Variants in ADK observed in about 807,000 individuals in gnomAD.
ADK encodes N6,N6-dimethyladenosine kinase.
In ADK, 24 loss-of-function variants were observed where a neutral mutation model predicts 44.7. The observed-to-expected ratio is 0.54, with a 90% confidence interval of 0.39 to 0.76. The LOEUF (loss-of-function observed/expected upper bound fraction) is 0.76. Ranked by LOEUF, ADK falls within the 30% of genes least tolerant of loss-of-function variation. The pLI, the probability that ADK is intolerant of heterozygous loss-of-function variation, is 0.00. For synonymous variants in ADK, 128 were observed against 142.6 expected, an observed-to-expected ratio of 0.90 and a Z score of 0.73; for missense variants, 321 against 425.1, an observed-to-expected ratio of 0.76 and a Z score of 2.15.
chr10:74,534,689 G>A (rs897220753), intron 7 of ADK, among the ~76,000 whole-genome samples: 1 of 152,198 alleles, frequency 6.6e-6, no homozygotes, highest in African/African-American at 2.4e-5. Flanking sequence ...AATGTTGGTA[G>A]TAGTTTTAGG....
At chr10:74,163,233 T>C (rs2132040457) in intron 1 of ADK, among the ~76,000 whole-genome samples, 1 of 152,338 alleles carries the variant, frequency 6.6e-6, no homozygotes, top group East Asian at 1.9e-4. Flanking sequence ...CCCAAAGTGT[T>C]GGGATTACAG....
chr10:74,644,646 G>A (rs949402810), intron 9 of ADK, among the ~76,000 whole-genome samples: 3 of 152,088 alleles, frequency 2.0e-5, no homozygotes, highest in Non-Finnish European at 2.9e-5. Context: ...CAGTGCTCCC[G>A]CCTCAGGCTC....
At chr10:74,232,241 G>A (rs1420529236) in intron 3 of ADK, among the ~76,000 whole-genome samples, 1 of 152,062 alleles carries the variant, frequency 6.6e-6, no homozygotes, top group Admixed American at 6.6e-5. Flanking sequence ...ATAATTGGCC[G>A]AGTGTGGTAG....
At chr10:74,173,257 AT>A (rs919135161) in intron 1 of ADK, among the ~76,000 whole-genome samples, 10 of 146,112 alleles carry the variant, frequency 6.8e-5, no homozygotes, top group African/African-American at 1.0e-4. Flanking sequence ...CGCCCGGCTA[AT>A]TTTTTTTTTA....
chr10:74,390,758 A>G (rs952429149), intron 4 of ADK, among the ~76,000 whole-genome samples: 9 of 152,154 alleles, frequency 5.9e-5, no homozygotes, highest in African/African-American at 2.2e-4. Flanking sequence ...TTTTTGGTTA[A>G]GGCATTTTCT....
chr10:74,506,291 G>T, intron 6 of ADK: 1 of 238,356 alleles, frequency 4.2e-6, no homozygotes, highest in Non-Finnish European at 8.4e-6. Context: ...CATCTATCTT[G>T]AAATGGTGGG....
At chr10:74,426,187 C>T (rs1397059975) in intron 6 of ADK, among the ~76,000 whole-genome samples, 2 of 152,054 alleles carry the variant, frequency 1.3e-5, no homozygotes, top group Admixed American at 6.5e-5. Flanking sequence ...TTGCTCATGC[C>T]GTTAACTATT....
At position 74,222,928 on chromosome 10, in the gene ADK, G is replaced by A. The variant is rs555486162; in HGVS notation, c.141-1610G>A. Among the ~76,000 whole-genome samples the A allele has an allele frequency of 2.3e-3, 357 of 152,038 alleles. 1 individual carries two copies. The highest frequency in any genetic ancestry group is 7.6e-3 in the African/African-American group (315 of 41,454). Reference sequence around the variant, plus strand: ...CTAATGCTAGATGACGAGTTAGTGGGTGCAGCACACCAGCATGTCACATGC... The same window carrying A: ...CTAATGCTAGATGACGAGTTAGTGGATGCAGCACACCAGCATGTCACATGC... On this transcript the variant is annotated intron_variant, in intron 2 of 10. Transcript: ENST00000539909.
At chr10:74,568,531 G>C (rs1292874369) in intron 7 of ADK, among the ~76,000 whole-genome samples, 1 of 151,944 alleles carries the variant, frequency 6.6e-6, no homozygotes, top group Non-Finnish European at 1.5e-5. Context: ...CAAGTCCACA[G>C]TGCAAAGCAA....
At chr10:74,662,399 G>A (rs1175599795) in intron 9 of ADK, among the ~76,000 whole-genome samples, 1 of 152,118 alleles carries the variant, frequency 6.6e-6, no homozygotes, top group Non-Finnish European at 1.5e-5. Flanking sequence ...TCCCACCTCA[G>A]CCTACTGAGT....
At chr10:74,270,330 C>A (rs4376843) in intron 3 of ADK, among the ~76,000 whole-genome samples, 4 of 152,020 alleles carry the variant, frequency 2.6e-5, no homozygotes, top group African/African-American at 9.7e-5. Context: ...ACACATTTTT[C>A]TGGAAAATAA....
At chr10:74,206,725 A>G (rs1301206674) in intron 2 of ADK, among the ~76,000 whole-genome samples, 1 of 152,208 alleles carries the variant, frequency 6.6e-6, no homozygotes, top group Non-Finnish European at 1.5e-5. Flanking sequence ...TACTATGTGT[A>G]GTCTTTGTTA....
chr10:74,403,813 C>G (rs10740433), intron 6 of ADK, among the ~76,000 whole-genome samples: 97,327 of 152,030 alleles, frequency 0.64, 32,575 homozygotes, highest in Middle Eastern at 0.79. Context: ...AATCACCCGT[C>G]TTCTGCATCA....
chr10:74,541,051 G>T (rs1048452181), intron 7 of ADK, among the ~76,000 whole-genome samples: 1 of 151,978 alleles, frequency 6.6e-6, no homozygotes, highest in African/African-American at 2.4e-5. Context: ...GTCTTGCTCT[G>T]TTGCCCAGAC....
intron 4 of ADK, among the ~76,000 whole-genome samples, chr10:74,326,946 T>C (rs1841042548): frequency 6.6e-6 from 1 of 151,994 alleles, no homozygotes; most frequent in Non-Finnish European, 1.5e-5. Context: ...TTAGTCTAGC[T>C]AAAGGTTTGT....
chr10:74,391,048 T>C (rs1843311244), intron 4 of ADK, among the ~76,000 whole-genome samples: 1 of 152,150 alleles, frequency 6.6e-6, no homozygotes, highest in African/African-American at 2.4e-5. Context: ...ATTCATTTGC[T>C]CTATCCTACA....
intron 1 of ADK, among the ~76,000 whole-genome samples, chr10:74,160,026 A>T (rs1841847787): frequency 6.6e-6 from 1 of 152,094 alleles, no homozygotes; most frequent in African/African-American, 2.4e-5. Context: ...CCAAAATCTC[A>T]TGAGTCCAAA....
At chr10:74,411,590 G>A (rs1318979603) in intron 6 of ADK, among the ~76,000 whole-genome samples, 1 of 152,166 alleles carries the variant, frequency 6.6e-6, no homozygotes, top group African/African-American at 2.4e-5. Flanking sequence ...AGCCTTTAGC[G>A]AGTAATAATC....
intron 9 of ADK, among the ~76,000 whole-genome samples, chr10:74,650,534 G>T (rs1854223625): frequency 6.6e-6 from 1 of 152,172 alleles, no homozygotes; most frequent in African/African-American, 2.4e-5. Context: ...TATCTGGGCT[G>T]GGAGGGAGTT....
Sources: allele counts gnomAD v4.1 joint callset (sites outside exome capture counted in the v4.1 genomes callset), GRCh38; gene constraint gnomAD v4.1.1; transcripts MANE v1.5; gene names NCBI Gene and HGNC (gene_info 2026-07-23, HGNC 2026-07-21).